SULF1: variants seen among roughly 807,000 people sequenced by gnomAD.
The protein encoded by SULF1 is extracellular sulfatase Sulf-1.
In SULF1, 46 loss-of-function variants were observed where a neutral mutation model predicts 110.5. The observed-to-expected ratio is 0.42, with a 90% CI of 0.33 to 0.53. SULF1 has a LOEUF of 0.53. Ranked by LOEUF, SULF1 falls within the 20% of genes least tolerant of loss-of-function variation. SULF1 has a pLI of 0.12. For missense variants in SULF1, 941 were observed against 1,094.2 expected, an observed-to-expected ratio of 0.86 and a Z score of 1.98; for synonymous variants, 371 against 387.1, an observed-to-expected ratio of 0.96 and a Z score of 0.49.
At chr8:69,577,450 A>G (rs1223749095) in intron 6 of SULF1, among the ~76,000 whole-genome samples, 1 of 152,204 alleles carries the variant, frequency 6.6e-6, no homozygotes, top group Non-Finnish European at 1.5e-5. Context: ...TCCTGATTTT[A>G]ACCATCAAAT....
intron 13 of SULF1, among the ~76,000 whole-genome samples, chr8:69,609,106 G>A (rs570096019): frequency 6.6e-6 from 1 of 152,288 alleles, no homozygotes; most frequent in Admixed American, 6.5e-5. Flanking sequence ...CACTTTGGGA[G>A]GCTGAGGCAG....
upstream of SULF1, among the ~76,000 whole-genome samples, chr8:69,489,141 G>A: frequency 6.6e-6 from 1 of 152,146 alleles, no homozygotes; most frequent in South Asian, 2.1e-4. Context: ...TGAGATTTTA[G>A]GCGTTACAAG....
intron 15 of SULF1, among the ~76,000 whole-genome samples, chr8:69,626,889 T>C (rs998268625): frequency 6.6e-6 from 1 of 152,238 alleles, no homozygotes; most frequent in Non-Finnish European, 1.5e-5. Context: ...GAGCCGGCAC[T>C]GGCCTTGGCC....
chr8:69,532,984 C>G (rs960826390), intron 3 of SULF1, among the ~76,000 whole-genome samples: 9 of 152,150 alleles, frequency 5.9e-5, no homozygotes, highest in Non-Finnish European at 1.2e-4. Context: ...ATTGACTAAT[C>G]TGGATGTACT....
At chr8:69,581,931 A>C (rs1806098325) in intron 6 of SULF1, among the ~76,000 whole-genome samples, 1 of 152,166 alleles carries the variant, frequency 6.6e-6, no homozygotes, top group African/African-American at 2.4e-5. Context: ...CACATCTGGA[A>C]TACTGAGTAC....
At chr8:69,614,553 G>C (rs150054760) in intron 13 of SULF1, among the ~76,000 whole-genome samples, 2 of 152,350 alleles carry the variant, frequency 1.3e-5, no homozygotes, top group African/African-American at 4.8e-5. Context: ...TTTCTCATTA[G>C]ATTTGATTCC....
intron 3 of SULF1, 123 bp downstream of exon 3, chr8:69,502,091 A>G (rs980107496): frequency 1.3e-5 from 2 of 152,232 alleles, no homozygotes; most frequent in African/African-American, 4.8e-5. Flanking sequence ...TGAAAAGTCA[A>G]TGGTCCTCTA....
chr8:69,519,302 A>G (rs928980698), intron 3 of SULF1, among the ~76,000 whole-genome samples: 2 of 152,208 alleles, frequency 1.3e-5, no homozygotes, highest in African/African-American at 4.8e-5. Flanking sequence ...GAAGCATAGC[A>G]TATATCAGGC....
At chr8:69,470,730 C>A (rs1387859704) in intron 1 of SULF1, among the ~76,000 whole-genome samples, 1 of 152,156 alleles carries the variant, frequency 6.6e-6, no homozygotes, top group Non-Finnish European at 1.5e-5. Flanking sequence ...ACCACATAAA[C>A]CCTTACTACC....
Position 69,600,652 on chromosome 8 carries a change from C to A in SULF1, c.784C>A (p.Gln262Lys), listed in dbSNP as rs1490869933. Residue 262 changes from glutamine to lysine, a missense_variant, in exon 9 of 23, where the codon CAG becomes AAG. Transcript: ENST00000402687. ...APNMDKHWIM[Q>K]YTGPMLPIHM... ...AAATATGGATAAACACTGGATTATG[C>A]AGTACACAGGACCAATGCTGCCCAT... The A allele has an allele frequency of 1.2e-6, 2 of 1,613,898 alleles. No individual in the cohort carries two copies. Among genetic ancestry groups the A allele is most frequent in the Admixed American group, 1.7e-5 (1 of 60,024 alleles).
chr8:69,476,170 A>G (rs1043324633), intron 1 of SULF1, among the ~76,000 whole-genome samples: 7 of 152,204 alleles, frequency 4.6e-5, no homozygotes, highest in Non-Finnish European at 1.0e-4. Context: ...ATCCTTTCAC[A>G]GAATGTACCA....
At chr8:69,559,806 G>A (rs1313139539) in intron 3 of SULF1, among the ~76,000 whole-genome samples, 1 of 152,166 alleles carries the variant, frequency 6.6e-6, no homozygotes, top group Admixed American at 6.5e-5. Flanking sequence ...ACAGTGAAAA[G>A]AAAAGATGTG....
intron 8 of SULF1, 77 bp downstream of exon 8, chr8:69,589,218 C>A: frequency 7.1e-7 from 1 of 1,411,272 alleles, no homozygotes; most frequent in South Asian, 1.4e-5. Context: ...TCTCCTTTAC[C>A]CCGTTTCCTT....
chr8:69,506,200 A>G (rs2150580448), intron 3 of SULF1, among the ~76,000 whole-genome samples: 1 of 151,558 alleles, frequency 6.6e-6, no homozygotes, highest in East Asian at 1.9e-4. Context: ...TAAGTTGCTC[A>G]TGCTTTTTCT....
chr8:69,525,837 G>A (rs764650723), intron 3 of SULF1, among the ~76,000 whole-genome samples: 7 of 152,120 alleles, frequency 4.6e-5, no homozygotes, highest in East Asian at 1.9e-4. Flanking sequence ...CGTGTGAGCC[G>A]AAGTTGTGAC....
intron 22 of SULF1, among the ~76,000 whole-genome samples, chr8:69,657,241 C>T (rs189008906): frequency 2.0e-5 from 3 of 152,244 alleles, no homozygotes; most frequent in African/African-American, 4.8e-5. Context: ...TTTCGTATCT[C>T]TTTTTTCTTG....
chr8:69,508,869 G>A (rs1459495038), intron 3 of SULF1, among the ~76,000 whole-genome samples: 1 of 152,134 alleles, frequency 6.6e-6, no homozygotes, highest in African/African-American at 2.4e-5. Flanking sequence ...GCCATTCAGA[G>A]CAGTCGGTGC....
chr8:69,650,557 C>T (rs1812258337), intron 22 of SULF1, among the ~76,000 whole-genome samples: 1 of 152,204 alleles, frequency 6.6e-6, no homozygotes, highest in African/African-American at 2.4e-5. Flanking sequence ...TTGCAGTGAG[C>T]TGAGATAGCA....
At chr8:69,541,633 T>G (rs1813864900) in intron 3 of SULF1, among the ~76,000 whole-genome samples, 1 of 152,232 alleles carries the variant, frequency 6.6e-6, no homozygotes, top group African/African-American at 2.4e-5. Flanking sequence ...AGTACAGATT[T>G]CTTGTTCAAA....
Sources: allele counts gnomAD v4.1 joint callset (sites outside exome capture counted in the v4.1 genomes callset), GRCh38; gene constraint gnomAD v4.1.1; transcripts MANE v1.5; gene names NCBI Gene and HGNC (gene_info 2026-07-23, HGNC 2026-07-21).